Variants in GINS1 observed in about 807,000 individuals in gnomAD.
The protein encoded by GINS1 is DNA replication complex GINS protein PSF1.
In GINS1, 26 loss-of-function variants were observed where a neutral mutation model predicts 34.9. That is an observed-to-expected ratio of 0.74 (90% CI 0.55 to 1.03). GINS1 has a LOEUF of 1.03. Among genes scored for constraint, GINS1 ranks in the 50% least tolerant of loss-of-function variants. The pLI, the probability that GINS1 is intolerant of heterozygous loss-of-function variation, is 0.00. For synonymous variants in GINS1, 97 were observed against 84.4 expected (o/e 1.15, Z -0.82); for missense variants, 235 against 237.9 (o/e 0.99, Z 0.08).
In GINS1 at chr20:25,447,582, G is replaced by A. The variant is rs1037917944; in HGVS notation, c.*1591G>A. The A allele has an allele frequency of 1.3e-5, 2 of 152,176 alleles. No individual in the cohort carries two copies. The highest frequency in any genetic ancestry group is 4.8e-5 in the African/African-American group (2 of 41,436). 9.4% of individuals were successfully genotyped at this position (152,176 alleles called of 1,614,324 possible). ...TGCCAATACCATATTTGTATGTAGT[G>A]TATGTAATTTTCTAATAATTCTTGA... is the stretch of plus-strand genomic sequence containing the variant. On this transcript the variant is annotated 3_prime_UTR_variant, in exon 7 of 7. Transcript: ENST00000262460.
At chr20:25,417,266 T>C in intron 3 of GINS1, 64 bp downstream of exon 3, 1 of 774,266 alleles carries the variant, frequency 1.3e-6, no homozygotes. Flanking sequence ...GTTGACCATC[T>C]CAAATGGGTA....
intron 3 of GINS1, among the ~76,000 whole-genome samples, chr20:25,417,869 G>A (rs757420541): frequency 3.9e-5 from 6 of 152,042 alleles, no homozygotes; most frequent in Non-Finnish European, 7.4e-5. Flanking sequence ...AAAAAAAGGC[G>A]GGGGAAAGAA....
chr20:25,416,751 A>G (rs2500415), intron 2 of GINS1, among the ~76,000 whole-genome samples: 257 of 152,346 alleles, frequency 1.7e-3, no homozygotes, highest in Middle Eastern at 6.8e-3. Context: ...CCATAACCTC[A>G]TGTCCATCAT....
rs1320254195 is a variant in GINS1, at chr20:25,446,747, T to C, written c.*756T>C. 1.3e-5 allele frequency: 2 copies of C among 152,194 alleles called. No individual in the cohort carries two copies. Among genetic ancestry groups the C allele is most frequent in the East Asian group, 3.8e-4 (2 of 5,198 alleles). 9.4% of individuals were successfully genotyped at this position (152,194 alleles called of 1,614,324 possible). On this transcript the variant is annotated 3_prime_UTR_variant, in exon 7 of 7. Coordinates refer to ENST00000262460, the MANE Select transcript of GINS1 (RefSeq NM_021067.5). The stretch of plus-strand genomic sequence containing the variant: ...ACCACTTTGGAAGGGGACAGTGAAA[T>C]TGGGGCTAGAGAAGGAACTTTGTAC...
In GINS1 at chr20:25,446,233, C is replaced by T; in HGVS notation, c.*242C>T. The T allele has an allele frequency of 2.9e-6, 1 of 348,192 alleles. No individual in the cohort carries two copies. Among genetic ancestry groups the T allele is most frequent in the Non-Finnish European group, 5.2e-6 (1 of 193,138 alleles). The allele number at this position is 348,192 out of a possible 1,614,324, so 21.6% of individuals were successfully genotyped here. On this transcript the variant is annotated 3_prime_UTR_variant, in exon 7 of 7. Coordinates refer to ENST00000262460, the MANE Select transcript of GINS1 (RefSeq NM_021067.5). ...GTTTTGTTTTGTAGAGACTGTCTCA[C>T]TATGTTGCCCAAGCTGGTCTCAAAC...
rs760089328 is a variant in GINS1 at position 25,445,902 on chromosome 20, C to T, written c.523-21C>T. On this transcript the variant is annotated intron_variant, in intron 6 of 6. Transcript: ENST00000262460. The stretch of plus-strand genomic sequence containing the variant: ...CCAATCATTTATTTTACTCTTTCTC[C>T]ATCCCTTCTTGTCCCCTCAGCACTT... The T allele has an allele frequency of 1.3e-5, 19 of 1,475,044 alleles. No homozygotes were observed. In the Admixed American group the frequency reaches 3.1e-4, roughly 24 times the overall value. 91.4% of individuals were successfully genotyped at this position (1,475,044 alleles called of 1,614,324 possible). A position where few individuals can be genotyped will look rare whatever the true frequency, so the allele number is the denominator to read the frequency against.
At chr20:25,437,076 T>C (rs922548363) in intron 5 of GINS1, among the ~76,000 whole-genome samples, 1 of 152,220 alleles carries the variant, frequency 6.6e-6, no homozygotes, top group African/African-American at 2.4e-5. Context: ...TGCCTTTCCT[T>C]GGTCACTTTC....
At chr20:25,436,464 T>C (rs2090455364) in intron 5 of GINS1, among the ~76,000 whole-genome samples, 1 of 152,154 alleles carries the variant, frequency 6.6e-6, no homozygotes, top group South Asian at 2.1e-4. Context: ...ATGGTGCCCT[T>C]CAGGTCTCTC....
At chr20:25,419,967 T>C (rs960354238) in intron 4 of GINS1, among the ~76,000 whole-genome samples, 2 of 150,104 alleles carry the variant, frequency 1.3e-5, no homozygotes, top group African/African-American at 2.5e-5. Flanking sequence ...GCGATTAATA[T>C]GTTTCTTACA....
At chr20:25,408,910 G>C (rs2090264776) in intron 1 of GINS1, 1 of 983,464 alleles carries the variant, frequency 1.0e-6, no homozygotes, top group South Asian at 4.7e-5. Flanking sequence ...GACACATTCT[G>C]CTGGAAGATG....
At chr20:25,419,377 A>G (rs947710035) in intron 4 of GINS1, among the ~76,000 whole-genome samples, 1 of 152,024 alleles carries the variant, frequency 6.6e-6, no homozygotes, top group African/African-American at 2.4e-5. Flanking sequence ...TGTGTTTGCC[A>G]TTAGATTCTG....
chr20:25,415,685 CA>C (rs370801254), intron 2 of GINS1, among the ~76,000 whole-genome samples: 2,735 of 49,158 alleles, frequency 0.056, 51 homozygotes, highest in African/African-American at 0.15. Context: ...AACTCCATCT[CA>C]AAAAAAAAAA....
At chr20:25,425,932 T>C (rs2090388295) in intron 5 of GINS1, among the ~76,000 whole-genome samples, 1 of 152,194 alleles carries the variant, frequency 6.6e-6, no homozygotes, top group African/African-American at 2.4e-5. Context: ...TTTGCAACTT[T>C]CATATTGTTT....
intron 5 of GINS1, among the ~76,000 whole-genome samples, chr20:25,430,201 G>A (rs191970103): frequency 3.3e-5 from 5 of 151,992 alleles, no homozygotes; most frequent in African/African-American, 4.8e-5. Flanking sequence ...GTGAGCCACC[G>A]TGCCTGGCCA....
rs141389907 is a variant in GINS1 at position 25,446,001 on chromosome 20, G to A, written c.*10G>A. ...GCACATCCTGTCATGACCATGCGCC[G>A]AGGCACTTCCAGGCTTCACTCAACT... On this transcript the variant is annotated 3_prime_UTR_variant, in exon 7 of 7. Transcript: ENST00000262460. 2.2e-5 allele frequency: 35 copies of A among 1,570,146 alleles called. No individual in the cohort carries two copies. The highest frequency in any genetic ancestry group is 2.0e-4 in the African/African-American group (15 of 74,072).
chr20:25,417,692 C>T (rs1600922963), intron 3 of GINS1, among the ~76,000 whole-genome samples: 1 of 152,150 alleles, frequency 6.6e-6, no homozygotes, highest in East Asian at 1.9e-4. Context: ...CCTGTCTCTA[C>T]TAAAAATACA....
chr20:25,412,407 TAGCC>T (rs2090291706), intron 1 of GINS1, among the ~76,000 whole-genome samples: 1 of 149,818 alleles, frequency 6.7e-6, no homozygotes, highest in African/African-American at 2.5e-5. Flanking sequence ...TACAAAAAAT[TAGCC>T]AGGCGTGGTG....
chr20:25,409,307 G>A (rs1057323632), intron 1 of GINS1, among the ~76,000 whole-genome samples: 11 of 152,232 alleles, frequency 7.2e-5, no homozygotes, highest in Admixed American at 5.9e-4. Context: ...ATGGATTGAA[G>A]AGAGGAAAGA....
rs543914281 is a variant in GINS1 at position 25,415,546 on chromosome 20, G to A, written c.141-1558G>A. On this transcript the variant is annotated intron_variant, in intron 2 of 6. Coordinates refer to ENST00000262460, the MANE Select transcript of GINS1 (RefSeq NM_021067.5). The stretch of plus-strand genomic sequence containing the variant: ...ACGAAAAATACAAAATTAGCCATGC[G>A]TGGTGGCGCATGCCTGTAATCCCAG... Among the ~76,000 whole-genome samples the A allele has an allele frequency of 1.1e-3, 167 of 152,176 alleles. 1 individual carries two copies. Among genetic ancestry groups the A allele is most frequent in the Non-Finnish European group, 2.0e-3 (135 of 68,014 alleles).
Sources: gnomAD v4.1 joint callset for allele counts (sites outside exome capture counted in the v4.1 genomes callset) on GRCh38, gnomAD v4.1.1 for gene constraint, MANE v1.5 for transcripts, NCBI Gene and HGNC (gene_info 2026-07-23, HGNC 2026-07-21) for gene names.